Variants in NPHP1 observed in about 807,000 individuals in gnomAD.
NPHP1 encodes the protein nephrocystin 1, also known as nephrocystin-1.
In NPHP1, 70 loss-of-function variants were observed where a neutral mutation model predicts 90.4. The ratio of observed to expected loss-of-function variants is 0.77; its 90% CI spans 0.64 to 0.95. The LOEUF is 0.95. Among genes scored for constraint, NPHP1 ranks in the 40% least tolerant of loss-of-function variants. NPHP1 has a pLI of 0.00. For missense variants in NPHP1, 764 were observed against 795.9 expected, an observed-to-expected ratio of 0.96 and a Z score of 0.48; for synonymous variants, 256 against 271.7, an observed-to-expected ratio of 0.94 and a Z score of 0.57.
chr2:110,170,639 A>C (rs934856466), intron 4 of NPHP1, among the ~76,000 whole-genome samples: 3 of 152,134 alleles, frequency 2.0e-5, no homozygotes, highest in African/African-American at 7.2e-5. Context: ...GCAGTGAGAC[A>C]ATCTAGAAAA....
chr2:110,160,401 G>A, intron 10 of NPHP1, 146 bp from the exon 11 acceptor site: 1 of 609,406 alleles, frequency 1.6e-6, no homozygotes, highest in Non-Finnish European at 2.9e-6. Context: ...TCAATACTCT[G>A]TTCATTGAAA....
intron 3 of NPHP1, 80 bp from the exon 4 acceptor site, chr2:110,178,627 T>C: frequency 7.7e-7 from 1 of 1,307,072 alleles, no homozygotes; most frequent in Non-Finnish European, 1.1e-6. Flanking sequence ...AAAATTCCAA[T>C]AAGTGCTATA....
intron 6 of NPHP1, among the ~76,000 whole-genome samples, chr2:110,167,021 A>G (rs1682773175): frequency 6.6e-6 from 1 of 152,170 alleles, no homozygotes; most frequent in African/African-American, 2.4e-5. Flanking sequence ...TTAAATATTG[A>G]TATGTCAAAA....
chr2:110,172,638 C>T (rs1294375743), intron 4 of NPHP1, among the ~76,000 whole-genome samples: 2 of 151,940 alleles, frequency 1.3e-5, no homozygotes, highest in Non-Finnish European at 2.9e-5. Context: ...AAAAATTTGC[C>T]AAGCGTAGTG....
At chr2:110,156,357 G>A (rs1681887714) in intron 11 of NPHP1, among the ~76,000 whole-genome samples, 1 of 152,100 alleles carries the variant, frequency 6.6e-6, no homozygotes, top group Non-Finnish European at 1.5e-5. Flanking sequence ...CATGTGAGAT[G>A]TGCCTTTCAC....
chr2:110,128,546 C>T (rs1679535750), intron 18 of NPHP1: 1 of 153,166 alleles, frequency 6.5e-6, no homozygotes, highest in Non-Finnish European at 1.5e-5. Flanking sequence ...ATTAGGCTCT[C>T]TCATGCAGGA....
At chr2:110,185,943 C>T (rs543941341) in intron 2 of NPHP1, among the ~76,000 whole-genome samples, 16 of 152,252 alleles carry the variant, frequency 1.1e-4, no homozygotes, top group Middle Eastern at 3.4e-3. Context: ...GCTTTCCATC[C>T]GTTCTTGTTG....
At chr2:110,158,536 G>A (rs925176185) in intron 11 of NPHP1, among the ~76,000 whole-genome samples, 4 of 151,888 alleles carry the variant, frequency 2.6e-5, no homozygotes, top group Non-Finnish European at 5.9e-5. Flanking sequence ...ATGTCTTCTT[G>A]GTGAACGATC....
chr2:110,204,762 G>C, intron 1 of NPHP1, 138 bp downstream of exon 1: 1 of 810,724 alleles, frequency 1.2e-6, no homozygotes, highest in African/African-American at 1.7e-5. Flanking sequence ...TGGGGTAAGG[G>C]GGCGTTACAA....
intron 17 of NPHP1, among the ~76,000 whole-genome samples, chr2:110,129,463 G>A (rs1679621327): frequency 6.6e-6 from 1 of 152,184 alleles, no homozygotes; most frequent in African/African-American, 2.4e-5. Context: ...GTGAGTTCCT[G>A]TACCAAATTA....
intron 2 of NPHP1, among the ~76,000 whole-genome samples, chr2:110,180,221 G>A (rs1227445733): frequency 6.6e-6 from 1 of 151,944 alleles, no homozygotes; most frequent in East Asian, 1.9e-4. Context: ...TTCCACAGTT[G>A]GCCTATTCCC....
intron 2 of NPHP1, among the ~76,000 whole-genome samples, chr2:110,181,799 T>C (rs1266973023): frequency 6.6e-6 from 1 of 152,100 alleles, no homozygotes; most frequent in Non-Finnish European, 1.5e-5. Flanking sequence ...ATGGCTGAAC[T>C]TACAGAAGGA....
At position 110,151,666 on chromosome 2, in the gene NPHP1, G is replaced by A. The variant is rs1023492128; in HGVS notation, c.1084-1410C>T. Among the ~76,000 whole-genome samples, 7 of 151,960 alleles carry A rather than the reference G, an allele frequency of 4.6e-5. No individual in the cohort carries two copies. In the East Asian group the frequency reaches 1.4e-3, roughly 29 times the overall value. ...ACATTAACAAAATCCCACTTCCTTC[G>A]ATTGCTAATATATATATGTTTAAAC... On this transcript the variant is annotated intron_variant, in intron 11 of 19. Coordinates refer to ENST00000445609, the MANE Select transcript of NPHP1 (RefSeq NM_001128178.3).
rs1679325861 is a variant in NPHP1 at position 110,125,896 on chromosome 2, G to A, written c.1717-215C>T. 31 of 582,366 alleles carry A rather than the reference G, an allele frequency of 5.3e-5. 1 individual carries two copies. The South Asian group carries it at 5.7e-4, about 11-fold the overall frequency. 36.1% of individuals were successfully genotyped at this position (582,366 alleles called of 1,614,324 possible). A position where few individuals can be genotyped will look rare whatever the true frequency, so the allele number is the denominator to read the frequency against. On this transcript the variant is annotated intron_variant, in intron 18 of 19. Transcript: ENST00000445609. ...TGTATCTGTGAAAAATGCCGTAGAAGCCCATGATAATTATAAATCAAAACT... is the reference window on the plus strand; with the variant it reads ...TGTATCTGTGAAAAATGCCGTAGAAACCCATGATAATTATAAATCAAAACT...
intron 2 of NPHP1, among the ~76,000 whole-genome samples, chr2:110,199,049 A>C (rs1685379829): frequency 6.6e-6 from 1 of 152,100 alleles, no homozygotes; most frequent in Admixed American, 6.6e-5. Flanking sequence ...TAGTCATGGA[A>C]GTAGTAAGAA....
chr2:110,139,104 A>G (rs1381987996), intron 16 of NPHP1, among the ~76,000 whole-genome samples: 1 of 152,004 alleles, frequency 6.6e-6, no homozygotes, highest in East Asian at 1.9e-4. Flanking sequence ...CAAGCAACTA[A>G]CATTATTACC....
Position 110,153,940 on chromosome 2 carries a change from G to A in NPHP1, c.1084-3684C>T, listed in dbSNP as rs149386303. Among the ~76,000 whole-genome samples the A allele has an allele frequency of 1.5e-3, 233 of 151,140 alleles. 1 individual carries two copies. Among genetic ancestry groups the A allele is most frequent in the African/African-American group, 5.5e-3 (228 of 41,112 alleles). On this transcript the variant is annotated intron_variant, in intron 11 of 19. Transcript: ENST00000445609. ...AGAGGTTGCAGTGAACTGAGATTGCGCCATTGCACTCCAGCCTGGGTGACA... is the reference window on the plus strand; with the variant it reads ...AGAGGTTGCAGTGAACTGAGATTGCACCATTGCACTCCAGCCTGGGTGACA...
chr2:110,185,398 C>G (rs886767606), intron 2 of NPHP1, among the ~76,000 whole-genome samples: 11 of 152,158 alleles, frequency 7.2e-5, no homozygotes, highest in Admixed American at 7.2e-4. Flanking sequence ...TGGGGGTGAC[C>G]ATTAACTGGC....
intron 2 of NPHP1, among the ~76,000 whole-genome samples, chr2:110,196,324 G>T (rs1052591842): frequency 1.3e-5 from 2 of 151,800 alleles, no homozygotes; most frequent in Non-Finnish European, 2.9e-5. Context: ...AACAAACGAC[G>T]CCATCAAAAA....
Sources: gnomAD v4.1 joint callset for allele counts (sites outside exome capture counted in the v4.1 genomes callset) on GRCh38, gnomAD v4.1.1 for gene constraint, MANE v1.5 for transcripts, NCBI Gene and HGNC (gene_info 2026-07-23, HGNC 2026-07-21) for gene names.